The following HDAC5 variants were observed in gnomAD, a reference collection of about 807,000 sequenced individuals.
HDAC5 encodes histone deacetylase 5.
A neutral mutation model predicts 133.3 loss-of-function variants in HDAC5; 25 were observed. That is an observed-to-expected ratio of 0.19 (90% CI 0.14 to 0.26). HDAC5 has a LOEUF of 0.26. Ranked by LOEUF, HDAC5 falls within the 10% of genes least tolerant of loss-of-function variation. The pLI, the probability that HDAC5 is intolerant of heterozygous loss-of-function variation, is 1.00. For missense variants in HDAC5, 1,041 were observed against 1,460.5 expected (o/e 0.71, Z 4.68); for synonymous variants, 589 against 610.8 (o/e 0.96, Z 0.53).
At chr17:44,078,965 T>A in intron 24 of HDAC5, 86 bp from the exon 25 acceptor site, 5 of 1,528,666 alleles carry the variant, frequency 3.3e-6, no homozygotes, top group Non-Finnish European at 4.5e-6. Flanking sequence ...GCCCCAGATA[T>A]CCCTCACAAC....
chr17:44,085,226 T>C, intron 14 of HDAC5, 71 bp from the exon 15 acceptor site: 3 of 1,421,646 alleles, frequency 2.1e-6, no homozygotes, highest in Non-Finnish European at 1.9e-6. Context: ...ACCATGATCC[T>C]CAGCAGGGCT....
At chr17:44,083,426 G>T in intron 18 of HDAC5, 119 bp downstream of exon 18, 1 of 689,216 alleles carries the variant, frequency 1.5e-6, no homozygotes, top group Non-Finnish European at 2.5e-6. Context: ...CCTGGTGCCT[G>T]AGAGTTGAGC....
At chr17:44,112,348 C>G (rs1408474287) in intron 2 of HDAC5, among the ~76,000 whole-genome samples, 2 of 152,082 alleles carry the variant, frequency 1.3e-5, no homozygotes, top group African/African-American at 4.8e-5. Context: ...CTCCCCCGCC[C>G]TCCCCACCGC....
intron 12 of HDAC5, among the ~76,000 whole-genome samples, chr17:44,088,008 T>A (rs1358896622): frequency 6.6e-6 from 1 of 151,916 alleles, no homozygotes; most frequent in Non-Finnish European, 1.5e-5. Flanking sequence ...CACGCCCAGC[T>A]AATTTTTGTT....
rs1200391929 is a variant in HDAC5 at position 44,091,726 on chromosome 17, C to A, written c.1138G>T (p.Val380Phe). The part of the protein sequence containing the change: ...PNISLGLQAT[V>F]TVTNSHLTAS... ...GTGAGGTGTGAGTTGGTGACAGTGA[C>A]CGTGGCCTGCAGCCCTAGGGAGATG... The change falls in exon 10 of 27, where the codon GTC (valine) becomes TTC (phenylalanine). Residue 380 changes from valine to phenylalanine, a missense_variant. Physicochemically the swap from Val to Phe is conservative, Grantham distance 50. Around this residue, in one of 9 missense-constraint regions of HDAC5, gnomAD observed 433 missense variants for 531.6 expected, o/e 0.81. Coordinates refer to ENST00000682912, the MANE Select transcript of HDAC5 (RefSeq NM_005474.5). 1.3e-6 allele frequency: 2 copies of A among 1,584,388 alleles called. No homozygotes were observed. Among genetic ancestry groups the A allele is most frequent in the East Asian group, 2.2e-5 (1 of 44,490 alleles).
At chr17:44,112,733 C>T (rs1331332413) in intron 2 of HDAC5, among the ~76,000 whole-genome samples, 2 of 152,154 alleles carry the variant, frequency 1.3e-5, no homozygotes, top group Admixed American at 6.5e-5. Flanking sequence ...GGGACCACAC[C>T]TATAGGCAGA....
In HDAC5 at chr17:44,078,271, AG is replaced by A. The variant is rs1156819318; in HGVS notation, c.*104del. 1 of 1,243,792 alleles carries A rather than the reference AG, an allele frequency of 8.0e-7. No individual in the cohort carries two copies. 77.0% of individuals were successfully genotyped at this position (1,243,792 alleles called of 1,614,324 possible). A position where few individuals can be genotyped will look rare whatever the true frequency, so the allele number is the denominator to read the frequency against. ...TAGAGGAGCAGGAGGGGCAAGGCTGAGAGACCCACACGGCACACCTTGTTGA... is the reference window on the plus strand; with the variant it reads ...TAGAGGAGCAGGAGGGGCAAGGCTGAAGACCCACACGGCACACCTTGTTGA... On this transcript the variant is annotated 3_prime_UTR_variant, in exon 27 of 27. Transcript: ENST00000682912.
chr17:44,111,624 C>G lies in HDAC5; in HGVS notation c.23-824G>C, dbSNP rs764404174. The G allele has an allele frequency of 1.2e-5, 6 of 518,088 alleles. No individual in the cohort carries two copies. In the Admixed American group the frequency reaches 1.2e-4, roughly 10 times the overall value. 32.1% of individuals were successfully genotyped at this position (518,088 alleles called of 1,614,324 possible). On this transcript the variant is annotated intron_variant, in intron 2 of 26. Coordinates refer to ENST00000682912, the MANE Select transcript of HDAC5 (RefSeq NM_005474.5). ...ATTGGAAGGGTCTAGGAGAGGCTGG[C>G]ACACAGGCACCTTCCCTGGAGTTCT...
At position 44,091,435 on chromosome 17, in the gene HDAC5, G is replaced by A. The variant is rs371146200; in HGVS notation, c.1222C>T (p.Arg408Trp). Residue 408 changes from arginine (R) to tryptophan (W), a missense_variant, in exon 11 of 27, where the codon CGG becomes TGG. Transcript: ENST00000682912. ...TTGCCGGTCAGCGTGCCACCCTGCC[G>A]CAGGGACTGGAGGGCCTGCCTCTCG... ...EAERQALQSL[R>W]QGGTLTGKFM... 70 of 1,553,958 alleles carry A rather than the reference G, an allele frequency of 4.5e-5. No homozygotes were observed. Among genetic ancestry groups the A allele is most frequent in the Non-Finnish European group, 5.6e-5 (64 of 1,150,378 alleles).
Position 44,080,877 on chromosome 17 carries a change from A to G in HDAC5, c.2613T>C (p.Ile871=). The G allele has an allele frequency of 1.2e-6, 2 of 1,614,150 alleles. No homozygotes were observed. The highest frequency in any genetic ancestry group is 1.7e-6 in the Non-Finnish European group (2 of 1,179,996). ...VGKVLIVDWD[I]HHGNGTQQAF... is the part of the protein sequence containing the mutation. ...CCTGCTGGGTGCCATTGCCATGGTG[A>G]ATGTCCTATGAGGGGAGGTAGAAGC... Residue 871 remains isoleucine (I), a synonymous_variant, in exon 21 of 27, where the codon ATT becomes ATC. Transcript: ENST00000682912.
intron 15 of HDAC5, 107 bp downstream of exon 15, chr17:44,084,915 C>A: frequency 7.0e-7 from 1 of 1,436,622 alleles, no homozygotes; most frequent in Non-Finnish European, 9.5e-7. Context: ...GCCCCGAAGT[C>A]TGGGGCTGAA....
intron 23 of HDAC5, 29 bp from the exon 24 acceptor site, chr17:44,079,306 G>T (rs568949212): frequency 6.2e-7 from 1 of 1,606,308 alleles, no homozygotes; most frequent in African/African-American, 1.3e-5. Context: ...GGAGGAAGAA[G>T]AAATGGCGAA....
At position 44,092,237 on chromosome 17, in the gene HDAC5, T is replaced by C; in HGVS notation, c.967A>G (p.Asn323Asp). ...TCAGCGATGGTGCTGTGGGAGCTGT[T>C]GGGAGAGCTGGGGCCGGAGCCGGGT... The part of the protein sequence containing the change: ...SAPGSGPSSP[N>D]SSHSTIAENG... Residue 323 changes from asparagine to aspartate, a missense_variant, in exon 9 of 27, where the codon AAC (asparagine) becomes GAC (aspartate). Coordinates refer to ENST00000682912, the MANE Select transcript of HDAC5 (RefSeq NM_005474.5). 6.2e-7 allele frequency: 1 copy of C among 1,614,006 alleles called. No individual in the cohort carries two copies. Among genetic ancestry groups the C allele is most frequent in the Non-Finnish European group, 8.5e-7 (1 of 1,179,972 alleles).
rs773450329 is a variant in HDAC5, at chr17:44,080,485, G to A, written c.2741C>T (p.Pro914Leu). Residue 914 changes from proline to leucine, a missense_variant, in exon 22 of 27, where the codon CCA (proline) becomes CTA (leucine). Transcript: ENST00000682912. ...SGAPEEVGGG[P>L]GVGYNVNVAW... ...CACGTTCACATTGTACCCCACGCCT[G>A]GTCCTCCACCAACCTGGCACCAGAG... 19 of 1,613,982 alleles carry A rather than the reference G, an allele frequency of 1.2e-5. No homozygotes were observed. In the East Asian group the frequency reaches 3.6e-4, roughly 30 times the overall value.
At chr17:44,092,886 A>C in intron 6 of HDAC5, 80 bp from the exon 7 acceptor site, 1 of 665,930 alleles carries the variant, frequency 1.5e-6, no homozygotes. Context: ...GGCAATCTAC[A>C]TTTATGAAAA....
rs2050929212 is a variant in HDAC5, at chr17:44,091,212, C to T, written c.1387+58G>A. 7 of 1,281,354 alleles carry T rather than the reference C, an allele frequency of 5.5e-6. No homozygotes were observed. The Admixed American group carries it at 9.8e-5, about 18-fold the overall frequency. The allele number at this position is 1,281,354 out of a possible 1,614,324, so 79.4% of individuals were successfully genotyped here. A position where few individuals can be genotyped will look rare whatever the true frequency, so the allele number is the denominator to read the frequency against. On this transcript the variant is annotated intron_variant, in intron 11 of 26. Coordinates refer to ENST00000682912, the MANE Select transcript of HDAC5 (RefSeq NM_005474.5). ...GAACTGTGACAGGGTTGGAGAGTAT[C>T]CCTGACAGTTGGTCCTGACCTTAGC...
intron 3 of HDAC5, among the ~76,000 whole-genome samples, chr17:44,110,010 C>G (rs1474326649): frequency 6.6e-6 from 1 of 152,232 alleles, no homozygotes; most frequent in Non-Finnish European, 1.5e-5. Flanking sequence ...CAAAAAAGTT[C>G]CTGCTGAGAA....
At chr17:44,083,487 C>G in intron 18 of HDAC5, 58 bp downstream of exon 18, 3 of 1,271,002 alleles carry the variant, frequency 2.4e-6, no homozygotes, top group Non-Finnish European at 3.4e-6. Flanking sequence ...CCCCTGTCCT[C>G]TGCCTCTGAG....
intron 3 of HDAC5, among the ~76,000 whole-genome samples, chr17:44,102,007 T>C (rs957249229): frequency 3.3e-5 from 5 of 152,216 alleles, no homozygotes; most frequent in Non-Finnish European, 7.3e-5. Flanking sequence ...GTCCTCAGTA[T>C]TTACAAAAAA....
Sources: allele counts gnomAD v4.1 joint callset (sites outside exome capture counted in the v4.1 genomes callset), GRCh38; gene constraint gnomAD v4.1.1; regional missense constraint gnomAD v4.1.1; transcripts MANE v1.5; gene names NCBI Gene and HGNC (gene_info 2026-07-23, HGNC 2026-07-21).